The following MMUT variants were observed in gnomAD, a reference collection of about 807,000 sequenced individuals.
MMUT encodes methylmalonyl-CoA mutase, mitochondrial.
In MMUT, 79 loss-of-function variants were observed where a neutral mutation model predicts 79.9. The ratio of observed to expected loss-of-function variants is 0.99; its 90% CI spans 0.82 to 1.19. The LOEUF is 1.19. Ranked by LOEUF, MMUT falls within the 50% of genes most tolerant of loss-of-function variation. The probability of loss-of-function intolerance (pLI) is 0.00; values close to 1 mark genes in which losing one functional copy is unlikely to be tolerated. For synonymous variants in MMUT, 273 were observed against 295.7 expected, an observed-to-expected ratio of 0.92 and a Z score of 0.79; for missense variants, 860 against 917.2, an observed-to-expected ratio of 0.94 and a Z score of 0.81.
intron 2 of MMUT, 151 bp from the exon 3 acceptor site, chr6:49,458,209 T>C: frequency 1.3e-6 from 1 of 777,136 alleles, no homozygotes; most frequent in African/African-American, 1.7e-5. Flanking sequence ...CAAAACCAAC[T>C]TAAATAAAGA....
At chr6:49,454,555 G>A (rs1169295352) in intron 4 of MMUT, among the ~76,000 whole-genome samples, 3 of 152,104 alleles carry the variant, frequency 2.0e-5, no homozygotes, top group East Asian at 1.9e-4. Context: ...TGATCTGTCC[G>A]CCTCGGTCAC....
In MMUT at chr6:49,440,190, C is replaced by A. The variant is rs1057521406; in HGVS notation, c.1956+16G>T. On this transcript the variant is annotated intron_variant, in intron 11 of 12. Coordinates refer to ENST00000274813, the MANE Select transcript of MMUT (RefSeq NM_000255.4). ...TAGTAAATACTTTTGAAATTCCCCCCAACAGTTTTTAGTACCTGGAAAAGA... is the reference window on the plus strand; with the variant it reads ...TAGTAAATACTTTTGAAATTCCCCCAAACAGTTTTTAGTACCTGGAAAAGA... The A allele has an allele frequency of 1.2e-6, 2 of 1,613,818 alleles. No homozygotes were observed. The highest frequency in any genetic ancestry group is 1.7e-6 in the Non-Finnish European group (2 of 1,179,818).
rs2127412022 is a variant in MMUT, at chr6:49,431,729, T to C, written c.2252A>G (p.Ter751=). The C allele has an allele frequency of 6.2e-7, 1 of 1,613,562 alleles. No homozygotes were observed. Among genetic ancestry groups the C allele is most frequent in the South Asian group, 1.1e-5 (1 of 91,068 alleles). ...AAAAGCTAAAACAAAAAGAGGATATTATACAGATTGCTGCTTCTTTTCCAA... is the reference window on the plus strand; with the variant it reads ...AAAAGCTAAAACAAAAAGAGGATATCATACAGATTGCTGCTTCTTTTCCAA... ...KCLEKKQQSV[*] The change falls in exon 13 of 13, where the codon TAA becomes TGA. Residue 751 remains the stop codon, a stop_retained_variant. Transcript: ENST00000274813.
At chr6:49,436,376 C>T (rs1290940994) in intron 11 of MMUT, among the ~76,000 whole-genome samples, 6 of 151,948 alleles carry the variant, frequency 3.9e-5, no homozygotes, top group Non-Finnish European at 7.4e-5. Context: ...GAGGCAGAGG[C>T]GGGTGGATCA....
intron 6 of MMUT, 119 bp downstream of exon 6, chr6:49,451,347 G>C (rs773164241): frequency 7.8e-6 from 9 of 1,153,240 alleles, no homozygotes; most frequent in Non-Finnish European, 9.6e-6. Flanking sequence ...ATATAAATCT[G>C]TAAGTGATTT....
chr6:49,432,232 T>G (rs1561949128), intron 12 of MMUT, among the ~76,000 whole-genome samples: 2 of 152,152 alleles, frequency 1.3e-5, no homozygotes, highest in Non-Finnish European at 2.9e-5. Context: ...AGTTTGAGCC[T>G]AAAAAACTAT....
chr6:49,438,573 TTA>T (rs1194987059), intron 11 of MMUT, among the ~76,000 whole-genome samples: 1 of 152,136 alleles, frequency 6.6e-6, no homozygotes, highest in African/African-American at 2.4e-5. Flanking sequence ...GAAAGATTAA[TTA>T]TATTTTATTT....
Position 49,431,449 on chromosome 6 carries a change from A to G in MMUT, c.*279T>C, listed in dbSNP as rs192552805. ...GAAACATTCTAATAAATACATCACC[A>G]TGATTTTTAAAAATAATACCATTGT... On this transcript the variant is annotated 3_prime_UTR_variant, in exon 13 of 13. Transcript: ENST00000274813. 9.0e-6 allele frequency: 2 copies of G among 223,212 alleles called. No homozygotes were observed. Among genetic ancestry groups the G allele is most frequent in the African/African-American group, 4.6e-5 (2 of 43,322 alleles). 13.8% of individuals were successfully genotyped at this position (223,212 alleles called of 1,614,324 possible). A position where few individuals can be genotyped will look rare whatever the true frequency, so the allele number is the denominator to read the frequency against.
intron 9 of MMUT, among the ~76,000 whole-genome samples, chr6:49,442,389 T>C (rs1018422806): frequency 1.6e-4 from 24 of 152,260 alleles, no homozygotes; most frequent in African/African-American, 5.5e-4. Flanking sequence ...GTGTGCCTAA[T>C]ATGTGCCAGA....
intron 11 of MMUT, 28 bp from the exon 12 acceptor site, chr6:49,435,651 C>T: frequency 6.2e-7 from 1 of 1,603,032 alleles, no homozygotes; most frequent in South Asian, 1.1e-5. Flanking sequence ...AAAGATAAAT[C>T]ATTGTTTATT....
intron 9 of MMUT, 90 bp downstream of exon 9, chr6:49,444,549 A>T: frequency 9.7e-7 from 1 of 1,030,774 alleles, no homozygotes; most frequent in Non-Finnish European, 1.5e-6. Context: ...CACATGGTTT[A>T]CAGGATCAAC....
chr6:49,435,400 G>C, intron 12 of MMUT, 56 bp downstream of exon 12: 1 of 1,479,700 alleles, frequency 6.8e-7, no homozygotes, highest in Non-Finnish European at 9.4e-7. Flanking sequence ...CCACAAATAA[G>C]CTATCATTAC....
chr6:49,456,540 TAAC>T (rs1236757682), intron 3 of MMUT, among the ~76,000 whole-genome samples: 14 of 152,222 alleles, frequency 9.2e-5, no homozygotes, highest in African/African-American at 3.1e-4. Context: ...GTTAGGAATG[TAAC>T]CTTTGGCCTG....
intron 11 of MMUT, among the ~76,000 whole-genome samples, chr6:49,436,107 T>A (rs1003089641): frequency 4.6e-5 from 7 of 152,128 alleles, no homozygotes; most frequent in Admixed American, 2.0e-4. Context: ...ATGGCTATTA[T>A]TAAAAAGTCA....
At chr6:49,445,520 A>G (rs1322137146) in intron 8 of MMUT, among the ~76,000 whole-genome samples, 1 of 152,038 alleles carries the variant, frequency 6.6e-6, no homozygotes, top group Non-Finnish European at 1.5e-5. Context: ...TGCCCACCCT[A>G]TCCACAGATA....
intron 2 of MMUT, 107 bp from the exon 3 acceptor site, chr6:49,458,165 C>A (rs1474868804): frequency 4.5e-6 from 5 of 1,102,170 alleles, no homozygotes; most frequent in South Asian, 3.0e-5. Context: ...TAACAGTACA[C>A]TTTTATAACA....
rs758170345 is a variant in MMUT at position 49,431,871 on chromosome 6, T to C, written c.2125-15A>G. On this transcript the variant is annotated splice_polypyrimidine_tract_variant and intron_variant, in intron 12 of 12. Coordinates refer to ENST00000274813, the MANE Select transcript of MMUT (RefSeq NM_000255.4). The stretch of plus-strand genomic sequence containing the variant: ...AATTCATAATCCTGTTGAAAGAATG[T>C]GTTTAATTAATAAGAGCCACTATTT... 4 of 1,611,974 alleles carry C rather than the reference T, an allele frequency of 2.5e-6. No individual in the cohort carries two copies. The highest frequency in any genetic ancestry group is 3.4e-6 in the Non-Finnish European group (4 of 1,178,256).
chr6:49,457,946 A>G lies in MMUT; in HGVS notation c.498T>C (p.Thr166=). The G allele has an allele frequency of 6.2e-7, 1 of 1,612,284 alleles. No homozygotes were observed. The highest frequency in any genetic ancestry group is 2.2e-5 in the East Asian group (1 of 44,862). ...DVGMAGVAID[T]VEDTKILFDG... ...CAAAAAGAATTTTGGTATCTTCCAC[A>G]GTGTCAATAGCAACTCCAGCCATTC... The change falls in exon 3 of 13, where the codon ACT becomes ACC. Residue 166 remains threonine, a synonymous_variant. Coordinates refer to ENST00000274813, the MANE Select transcript of MMUT (RefSeq NM_000255.4).
At chr6:49,450,221 C>G (rs1157779687) in intron 6 of MMUT, among the ~76,000 whole-genome samples, 1 of 144,282 alleles carries the variant, frequency 6.9e-6, no homozygotes, top group Admixed American at 7.0e-5. Context: ...CAGAGTAAGA[C>G]TCTGTCTTAA....
Sources: gnomAD v4.1 joint callset for allele counts (sites outside exome capture counted in the v4.1 genomes callset) on GRCh38, gnomAD v4.1.1 for gene constraint, MANE v1.5 for transcripts, NCBI Gene and HGNC (gene_info 2026-07-23, HGNC 2026-07-21) for gene names.